The following KPNA3 variants were observed in gnomAD, a reference collection of about 807,000 sequenced individuals.
KPNA3 encodes karyopherin subunit alpha 3, also known as importin subunit alpha-4.
KPNA3 carries 13 observed loss-of-function variants against 73.8 expected under a neutral mutation model. That is an observed-to-expected ratio of 0.18 (90% CI 0.11 to 0.28). The LOEUF is 0.28. KPNA3 is among the 10% of genes least tolerant of loss of function. KPNA3 has a pLI of 1.00. For missense variants in KPNA3, 360 were observed against 618.1 expected, an observed-to-expected ratio of 0.58 and a Z score of 4.43; for synonymous variants, 186 against 206.9, an observed-to-expected ratio of 0.90 and a Z score of 0.87.
At chr13:49,721,403 T>C (rs181951118) in intron 9 of KPNA3, among the ~76,000 whole-genome samples, 1 of 152,356 alleles carries the variant, frequency 6.6e-6, no homozygotes, top group East Asian at 1.9e-4. Flanking sequence ...ATTTTTATAT[T>C]TTCTTTTTAT....
At chr13:49,721,545 C>T (rs952722587) in intron 9 of KPNA3, among the ~76,000 whole-genome samples, 2 of 151,998 alleles carry the variant, frequency 1.3e-5, no homozygotes, top group South Asian at 2.1e-4. Flanking sequence ...TGTGGCTGGG[C>T]GTGGTGGCTC....
At chr13:49,767,670 A>G (rs1481355134) in intron 1 of KPNA3, among the ~76,000 whole-genome samples, 1 of 152,132 alleles carries the variant, frequency 6.6e-6, no homozygotes, top group Non-Finnish European at 1.5e-5. Context: ...AGACCATAAG[A>G]GTGGCTCTGT....
chr13:49,780,698 C>T (rs886518093), intron 1 of KPNA3, among the ~76,000 whole-genome samples: 7 of 150,632 alleles, frequency 4.6e-5, no homozygotes, highest in Non-Finnish European at 8.8e-5. Flanking sequence ...TTACTCCACA[C>T]CTGAATATTG....
chr13:49,749,553 C>T (rs1954645154), intron 1 of KPNA3, among the ~76,000 whole-genome samples: 1 of 152,162 alleles, frequency 6.6e-6, no homozygotes, highest in Non-Finnish European at 1.5e-5. Context: ...ACTGTATCAC[C>T]TAATCCTAGT....
At chr13:49,782,769 A>G (rs1954951474) in intron 1 of KPNA3, among the ~76,000 whole-genome samples, 1 of 151,748 alleles carries the variant, frequency 6.6e-6, no homozygotes, top group Non-Finnish European at 1.5e-5. Flanking sequence ...CAGCTACTTG[A>G]GAGGATCACT....
chr13:49,713,150 C>T lies in KPNA3; in HGVS notation c.772-2128G>A, dbSNP rs992331836. Among the ~76,000 whole-genome samples, 76 of 151,996 alleles carry T rather than the reference C, an allele frequency of 5.0e-4. 1 individual carries two copies. Among genetic ancestry groups the T allele is most frequent in the African/African-American group, 1.7e-3 (69 of 41,468 alleles). On this transcript the variant is annotated intron_variant, in intron 10 of 16. Coordinates refer to ENST00000261667, the MANE Select transcript of KPNA3 (RefSeq NM_002267.4). ...CTGAGGTTGTAACCCTGTTAAAAGA[C>T]GACCAGTAGAATTTAATCTAAAAAG...
At chr13:49,732,843 C>A in intron 3 of KPNA3, 67 bp from the exon 4 acceptor site, 1 of 1,361,792 alleles carries the variant, frequency 7.3e-7, no homozygotes, top group Non-Finnish European at 1.0e-6. Context: ...AAACAGTGTA[C>A]CTGAGTTAAT....
chr13:49,736,637 C>T (rs1004968751), intron 2 of KPNA3, among the ~76,000 whole-genome samples: 1 of 152,162 alleles, frequency 6.6e-6, no homozygotes, highest in African/African-American at 2.4e-5. Context: ...AACTGGGATA[C>T]TGACATTGAT....
At chr13:49,764,066 CAA>C (rs11301654) in intron 1 of KPNA3, among the ~76,000 whole-genome samples, 1,401 of 79,984 alleles carry the variant, frequency 0.018, 14 homozygotes, top group African/African-American at 0.049. Context: ...GACCCTGTCT[CAA>C]AAAAAAAAAA....
At chr13:49,741,741 A>G (rs536479749) in intron 2 of KPNA3, among the ~76,000 whole-genome samples, 53 of 152,334 alleles carry the variant, frequency 3.5e-4, no homozygotes, top group African/African-American at 1.2e-3. Context: ...GGCGTGAGCC[A>G]CCGTGCCCAA....
intron 1 of KPNA3, among the ~76,000 whole-genome samples, chr13:49,753,561 A>T (rs1954684676): frequency 6.6e-6 from 1 of 152,368 alleles, no homozygotes; most frequent in Middle Eastern, 3.4e-3. Flanking sequence ...TGTAGAACTA[A>T]GATTAAATAG....
At chr13:49,744,884 CTT>C (rs1445210010) in intron 2 of KPNA3, among the ~76,000 whole-genome samples, 1 of 152,152 alleles carries the variant, frequency 6.6e-6, no homozygotes, top group Non-Finnish European at 1.5e-5. Flanking sequence ...TATTTAAACA[CTT>C]AGAAAAAATA....
At chr13:49,721,798 C>T (rs761195867) in intron 9 of KPNA3, among the ~76,000 whole-genome samples, 157 bp downstream of exon 9, 2 of 152,108 alleles carry the variant, frequency 1.3e-5, no homozygotes, top group African/African-American at 4.8e-5. Context: ...CCAGCCTGGG[C>T]GACAGAGCAA....
chr13:49,706,220 T>C (rs777463473), intron 13 of KPNA3, 48 bp downstream of exon 13: 1 of 1,610,502 alleles, frequency 6.2e-7, no homozygotes, highest in South Asian at 1.1e-5. Flanking sequence ...CAAAAAGTCT[T>C]GGTTATTAAC....
chr13:49,703,152 G>A (rs1356634919), intron 15 of KPNA3, among the ~76,000 whole-genome samples: 2 of 148,848 alleles, frequency 1.3e-5, no homozygotes, highest in African/African-American at 2.5e-5. Context: ...ACAGGCGTGA[G>A]CCACTGCGCC....
At chr13:49,723,866 C>CT (rs1163715741) in intron 7 of KPNA3, among the ~76,000 whole-genome samples, 2 of 122,912 alleles carry the variant, frequency 1.6e-5, no homozygotes. Flanking sequence ...GAGACTCCGT[C>CT]TTAAAAAAAA....
intron 2 of KPNA3, among the ~76,000 whole-genome samples, chr13:49,740,067 A>G (rs1954559481): frequency 6.6e-6 from 1 of 152,090 alleles, no homozygotes; most frequent in Non-Finnish European, 1.5e-5. Flanking sequence ...CCTGGGCAAC[A>G]TGGCGAAATC....
chr13:49,739,020 T>A (rs1380151014), intron 2 of KPNA3, among the ~76,000 whole-genome samples: 1 of 152,224 alleles, frequency 6.6e-6, no homozygotes, highest in Non-Finnish European at 1.5e-5. Context: ...ATTCCTTTTA[T>A]CAGAAATGAG....
At chr13:49,777,935 C>T (rs1440441729) in intron 1 of KPNA3, among the ~76,000 whole-genome samples, 1 of 152,162 alleles carries the variant, frequency 6.6e-6, no homozygotes, top group East Asian at 1.9e-4. Flanking sequence ...CATCAACCTG[C>T]TTAGCCCACA....
Sources: gnomAD v4.1 joint callset for allele counts (sites outside exome capture counted in the v4.1 genomes callset) on GRCh38, gnomAD v4.1.1 for gene constraint, MANE v1.5 for transcripts, NCBI Gene and HGNC (gene_info 2026-07-23, HGNC 2026-07-21) for gene names.